UGT1A8: variants seen among roughly 807,000 people sequenced by gnomAD.
UGT1A8 encodes the protein UDP-glucuronosyltransferase 1A8.
Under a neutral mutation model 45.3 loss-of-function variants are expected in UGT1A8, and 39 were observed. The ratio of observed to expected loss-of-function variants is 0.86; its 90% CI spans 0.67 to 1.12. The LOEUF is 1.12. UGT1A8 is among the 50% of genes most tolerant of loss of function. The pLI, the probability that UGT1A8 is intolerant of heterozygous loss-of-function variation, is 0.00. For synonymous variants in UGT1A8, 275 were observed against 249.2 expected (o/e 1.10, Z -0.97); for missense variants, 719 against 664.9 (o/e 1.08, Z -0.90).
At chr2:233,711,280 T>C (rs1376042082) in intron 1 of UGT1A8, among the ~76,000 whole-genome samples, 3 of 152,194 alleles carry the variant, frequency 2.0e-5, no homozygotes, top group Non-Finnish European at 4.4e-5. Flanking sequence ...CTAGGAGTCC[T>C]AGACGTGGGA....
intron 1 of UGT1A8, among the ~76,000 whole-genome samples, chr2:233,661,596 G>A (rs951229591): frequency 6.9e-6 from 1 of 144,094 alleles, no homozygotes; most frequent in Non-Finnish European, 1.6e-5. Flanking sequence ...AAGCCTGCTG[G>A]CATCACTGCA....
chr2:233,691,508 C>G (rs1369652269), intron 1 of UGT1A8: 4 of 985,724 alleles, frequency 4.1e-6, no homozygotes, highest in Non-Finnish European at 4.8e-6. Context: ...ACTCGCGTGC[C>G]AGCCAGGTGT....
chr2:233,743,981 G>C (rs1692624812), intron 1 of UGT1A8: 1 of 1,297,770 alleles, frequency 7.7e-7, no homozygotes, highest in African/African-American at 1.5e-5. Context: ...CAGCACCCAG[G>C]CGCAGGCCCG....
chr2:233,729,226 G>C (rs1226081470), intron 1 of UGT1A8: 2 of 1,614,168 alleles, frequency 1.2e-6, no homozygotes, highest in Admixed American at 3.3e-5. Flanking sequence ...GGTGTTGGTG[G>C]TGCCCATTGA....
chr2:233,746,859 GC>G lies in UGT1A8; in HGVS notation c.856-20173del, dbSNP rs776256702. Among the ~76,000 whole-genome samples the G allele has an allele frequency of 2.4e-3, 366 of 151,912 alleles. 1 individual carries two copies. Among genetic ancestry groups the G allele is most frequent in the Non-Finnish European group, 3.4e-3 (229 of 68,008 alleles). ...GGGGACCTCTCAGACCTCAGCTGCA[GC>G]CTGATAAACGTGGTTAACAGAGAAG... On this transcript the variant is annotated intron_variant, in intron 1 of 4. Coordinates refer to ENST00000373450, the MANE Select transcript of UGT1A8 (RefSeq NM_019076.5).
At chr2:233,743,057 T>A (rs1175965330) in intron 1 of UGT1A8, 1 of 324,210 alleles carries the variant, frequency 3.1e-6, no homozygotes, top group Non-Finnish European at 6.0e-6. Flanking sequence ...GTCCCAACGA[T>A]AAGAACAGGT....
chr2:233,619,140 A>G (rs530969761), intron 1 of UGT1A8, among the ~76,000 whole-genome samples: 90 of 152,032 alleles, frequency 5.9e-4, no homozygotes, highest in African/African-American at 2.1e-3. Flanking sequence ...TGCAATATCT[A>G]ATGTAAATTC....
At chr2:233,734,935 C>A (rs1354608889) in intron 1 of UGT1A8, among the ~76,000 whole-genome samples, 1 of 152,058 alleles carries the variant, frequency 6.6e-6, no homozygotes, top group African/African-American at 2.4e-5. Flanking sequence ...TACTTACAAT[C>A]ATATGGTCAG....
In UGT1A8 at chr2:233,751,447, G is replaced by T. The variant is rs116747594; in HGVS notation, c.856-15587G>T. Reference sequence around the variant, plus strand: ...GCTGAAATGAGTTAAGACTTTGGAAGATTGTTGGGAAGGCACGATTGGTTT... The same window carrying T: ...GCTGAAATGAGTTAAGACTTTGGAATATTGTTGGGAAGGCACGATTGGTTT... On this transcript the variant is annotated intron_variant, in intron 1 of 4. Transcript: ENST00000373450. Among the ~76,000 whole-genome samples the T allele has an allele frequency of 9.7e-3, 1,485 of 152,320 alleles. 22 individuals carry two copies. Among genetic ancestry groups the T allele is most frequent in the African/African-American group, 0.034 (1,416 of 41,558 alleles).
chr2:233,676,369 G>T lies in UGT1A8; in HGVS notation c.855+57807G>T, dbSNP rs1380710609. On this transcript the variant is annotated intron_variant, in intron 1 of 4. Transcript: ENST00000373450. ...AGAATAAATATAGGATTATAGCAAG[G>T]TTACAACAAATAGTTTAGAGAATTT... 2.0e-5 allele frequency among the ~76,000 whole-genome samples: 3 copies of T among 152,118 alleles called. No homozygotes were observed. In the East Asian group the frequency reaches 5.8e-4, roughly 29 times the overall value.
Position 233,618,535 on chromosome 2 carries a change from C to A in UGT1A8, c.828C>A (p.Asn276Lys), listed in dbSNP as rs769977006. The A allele has an allele frequency of 6.2e-7, 1 of 1,613,836 alleles. No individual in the cohort carries two copies. The highest frequency in any genetic ancestry group is 8.5e-7 in the Non-Finnish European group (1 of 1,179,772). ...MPNMIFIGGI[N>K]CHQGKPLPME... is the part of the protein sequence containing the mutation. ...ATATGATCTTCATTGGTGGTATCAA[C>A]TGCCATCAGGGAAAGCCATTGCCTA... Residue 276 changes from asparagine to lysine, a missense_variant, in exon 1 of 5, where the codon AAC (asparagine) becomes AAA (lysine). Transcript: ENST00000373450.
At chr2:233,681,807 G>A (rs1005220949) in intron 1 of UGT1A8, 28 of 1,493,670 alleles carry the variant, frequency 1.9e-5, no homozygotes, top group African/African-American at 2.8e-5. Flanking sequence ...GGCAGTGAAT[G>A]TGAATTTTTT....
At chr2:233,744,012 G>A (rs541267003) in intron 1 of UGT1A8, 46 of 1,089,708 alleles carry the variant, frequency 4.2e-5, no homozygotes, top group Non-Finnish European at 4.8e-5. Context: ...GACCTGGGCC[G>A]CCTGGAGAGA....
At chr2:233,752,994 T>C (rs1324115545) in intron 1 of UGT1A8, among the ~76,000 whole-genome samples, 2 of 152,114 alleles carry the variant, frequency 1.3e-5, no homozygotes, top group Admixed American at 1.3e-4. Flanking sequence ...ACCCACTCAT[T>C]CTATCCTACC....
intron 1 of UGT1A8, among the ~76,000 whole-genome samples, chr2:233,650,187 CT>C (rs1364139387): frequency 3.3e-5 from 5 of 152,146 alleles, no homozygotes; most frequent in African/African-American, 9.7e-5. Flanking sequence ...TCAGGCTGGT[CT>C]CGAACTCCTG....
chr2:233,648,082 C>G, intron 1 of UGT1A8: 11 of 1,519,816 alleles, frequency 7.2e-6, no homozygotes, highest in Non-Finnish European at 9.7e-6. Context: ...CTTATACACC[C>G]TGGAGGATCT....
At position 233,767,254 on chromosome 2, in the gene UGT1A8, G is replaced by A. The variant is rs35359603; in HGVS notation, c.987+89G>A. The A allele has an allele frequency of 2.3e-4, 374 of 1,598,070 alleles. 1 individual carries two copies. In the African/African-American group the frequency reaches 4.6e-3, roughly 20 times the overall value. ...AGCTTCCAGATTAATTCTCTTAATTGGAACCTTAGATTTGGCTTTTCCCTG... is the reference window on the plus strand; with the variant it reads ...AGCTTCCAGATTAATTCTCTTAATTAGAACCTTAGATTTGGCTTTTCCCTG... On this transcript the variant is annotated intron_variant, in intron 2 of 4. Transcript: ENST00000373450.
At chr2:233,644,322 C>T (rs183551292) in intron 1 of UGT1A8, among the ~76,000 whole-genome samples, 1 of 152,158 alleles carries the variant, frequency 6.6e-6, no homozygotes, top group Non-Finnish European at 1.5e-5. Context: ...AATCCCAGCA[C>T]TTAGGGAGGC....
At chr2:233,710,976 C>A (rs993531240) in intron 1 of UGT1A8, among the ~76,000 whole-genome samples, 3 of 152,198 alleles carry the variant, frequency 2.0e-5, no homozygotes, top group Non-Finnish European at 4.4e-5. Flanking sequence ...GGGGAATATA[C>A]AATCATTCAG....
Sources: gnomAD v4.1 joint callset for allele counts (sites outside exome capture counted in the v4.1 genomes callset) on GRCh38, gnomAD v4.1.1 for gene constraint, MANE v1.5 for transcripts, NCBI Gene and HGNC (gene_info 2026-07-23, HGNC 2026-07-21) for gene names.